The following MGAT4A variants were observed in gnomAD, a reference collection of about 807,000 sequenced individuals.
The protein encoded by MGAT4A is N-acetylglucosaminyltransferase IVa.
A neutral mutation model predicts 74.1 loss-of-function variants in MGAT4A; 33 were observed. The observed-to-expected ratio is 0.45, with a 90% CI of 0.34 to 0.60. MGAT4A has a LOEUF of 0.60. Among genes scored for constraint, MGAT4A ranks in the 20% least tolerant of loss-of-function variants. The pLI, the probability that MGAT4A is intolerant of heterozygous loss-of-function variation, is 0.02. For missense variants in MGAT4A, 479 were observed against 628.3 expected, an observed-to-expected ratio of 0.76 and a Z score of 2.54; for synonymous variants, 198 against 210.4, an observed-to-expected ratio of 0.94 and a Z score of 0.51.
chr2:98,639,801 C>A lies in MGAT4A; in HGVS notation c.1322+7G>T. ...GTAAGATCACATACATTTCAATAATCACCAACCTTTCTACATTGACTGGTT... is the reference window on the plus strand; with the variant it reads ...GTAAGATCACATACATTTCAATAATAACCAACCTTTCTACATTGACTGGTT... On this transcript the variant is annotated splice_region_variant and intron_variant, in intron 12 of 15. Transcript: ENST00000393487. 1 of 1,598,848 alleles carries A rather than the reference C, an allele frequency of 6.3e-7. No individual in the cohort carries two copies. Among genetic ancestry groups the A allele is most frequent in the Admixed American group, 1.7e-5 (1 of 57,962 alleles).
intron 4 of MGAT4A, among the ~76,000 whole-genome samples, chr2:98,669,791 G>C (rs1701888353): frequency 6.6e-6 from 1 of 152,088 alleles, no homozygotes; most frequent in Non-Finnish European, 1.5e-5. Flanking sequence ...GGGACTGTGG[G>C]GCAAAGGGGA....
intron 13 of MGAT4A, among the ~76,000 whole-genome samples, chr2:98,636,017 A>G (rs1025148197): frequency 6.6e-6 from 1 of 151,444 alleles, no homozygotes; most frequent in African/African-American, 2.4e-5. Context: ...ATAAAATAAA[A>G]TAAAATAAAA....
chr2:98,713,476 C>T (rs186522112), intron 2 of MGAT4A, among the ~76,000 whole-genome samples: 23 of 151,174 alleles, frequency 1.5e-4, no homozygotes, highest in African/African-American at 4.8e-4. Flanking sequence ...CAAACAAACC[C>T]GTAGGCCAGG....
chr2:98,639,871 G>C lies in MGAT4A; in HGVS notation c.1259C>G (p.Ala420Gly). The change falls in exon 12 of 16, where the codon GCT (alanine) becomes GGT (glycine). Residue 420 changes from alanine to glycine, a missense_variant. By Grantham distance (60) the Ala-to-Gly change is moderately conservative (BLOSUM62 0). Around this residue, in one of 3 missense-constraint regions of MGAT4A, gnomAD observed 236 missense variants for 308.2 expected, o/e 0.77. Transcript: ENST00000393487. ...GTAGTCTCCAGCTATCGGTGTGATA[G>C]CCCAGAAGAAATCCTCTCCCATGTA... Reference protein sequence around the residue: ...KTYMGEDFFWAITPIAGDYIL... With the variant: ...KTYMGEDFFWGITPIAGDYIL... The C allele has an allele frequency of 6.2e-7, 1 of 1,614,098 alleles. No individual in the cohort carries two copies. Among genetic ancestry groups the C allele is most frequent in the Non-Finnish European group, 8.5e-7 (1 of 1,179,976 alleles).
At position 98,625,349 on chromosome 2, in the gene MGAT4A, G is replaced by A. The variant is rs1198664192; in HGVS notation, c.*217C>T. The A allele has an allele frequency of 7.5e-7, 1 of 1,338,716 alleles. No individual in the cohort carries two copies. Among genetic ancestry groups the A allele is most frequent in the East Asian group, 2.9e-5 (1 of 34,962 alleles). The allele number at this position is 1,338,716 out of a possible 1,614,324, so 82.9% of individuals were successfully genotyped here. ...GTCATATTAACAGGCTGTCATAATT[G>A]AAAAATGTTTGAGTCAAGTTAAAAT... On this transcript the variant is annotated 3_prime_UTR_variant, in exon 16 of 16. Coordinates refer to ENST00000393487, the MANE Select transcript of MGAT4A (RefSeq NM_012214.3).
At chr2:98,628,910 C>T (rs983901695) in intron 14 of MGAT4A, among the ~76,000 whole-genome samples, 5 of 152,166 alleles carry the variant, frequency 3.3e-5, no homozygotes, top group Non-Finnish European at 7.3e-5. Context: ...TCTCCTGCAC[C>T]TACTCACTCA....
In MGAT4A at chr2:98,675,191, A is replaced by C. The variant is rs1295443534; in HGVS notation, c.263-16T>G. 5 of 1,537,120 alleles carry C rather than the reference A, an allele frequency of 3.3e-6. No individual in the cohort carries two copies. The African/African-American group carries it at 7.0e-5, about 21-fold the overall frequency. Reference sequence around the variant, plus strand: ...AGGGTATTATCTGAAACACAGAAGTATAATTAATATACAAGAATTACCTTA... The same window carrying C: ...AGGGTATTATCTGAAACACAGAAGTCTAATTAATATACAAGAATTACCTTA... On this transcript the variant is annotated splice_polypyrimidine_tract_variant and intron_variant, in intron 3 of 15. Coordinates refer to ENST00000393487, the MANE Select transcript of MGAT4A (RefSeq NM_012214.3).
intron 2 of MGAT4A, among the ~76,000 whole-genome samples, chr2:98,693,679 C>CAAAAAAAAAAAAAAAAAAAAAAAA (rs202080554): frequency 9.9e-6 from 1 of 101,474 alleles, no homozygotes; most frequent in African/African-American, 4.0e-5. Context: ...GAGCTTCTCT[C>CAAAAAAAAAAAAAAAAAAAAAAAA]AAAAAAAAAA....
intron 2 of MGAT4A, among the ~76,000 whole-genome samples, chr2:98,719,093 T>C (rs186804867): frequency 1.3e-5 from 2 of 152,288 alleles, no homozygotes; most frequent in Admixed American, 1.3e-4. Flanking sequence ...ATTGTGGATC[T>C]AGTGAAGATA....
Position 98,620,025 on chromosome 2 carries a change from C to G in MGAT4A, c.*5541G>C, listed in dbSNP as rs1318354459. ...CTTCTAAATTCTCAGCTCAGATGCA[C>G]CCTGGAGTGCCAGCTTGCTCCTTCC... On this transcript the variant is annotated 3_prime_UTR_variant, in exon 16 of 16. Coordinates refer to ENST00000393487, the MANE Select transcript of MGAT4A (RefSeq NM_012214.3). 1 of 152,178 alleles carries G rather than the reference C, an allele frequency of 6.6e-6. No homozygotes were observed. 9.4% of individuals were successfully genotyped at this position (152,178 alleles called of 1,614,324 possible). A position where few individuals can be genotyped will look rare whatever the true frequency, so the allele number is the denominator to read the frequency against.
rs368180368 is a variant in MGAT4A, at chr2:98,636,630, C to T, written c.1323-35G>A. 4,962 of 1,565,618 alleles carry T rather than the reference C, an allele frequency of 3.2e-3. 169 individuals carry two copies. The South Asian group carries it at 0.052, about 16-fold the overall frequency. On this transcript the variant is annotated intron_variant, in intron 12 of 15. Coordinates refer to ENST00000393487, the MANE Select transcript of MGAT4A (RefSeq NM_012214.3). ...CAAACATCAAAATAAAAACACAAGT[C>T]GGGCTAGATTTTACAAAGATTCAAG...
chr2:98,708,086 C>T (rs1260900627), intron 2 of MGAT4A, among the ~76,000 whole-genome samples: 4 of 151,972 alleles, frequency 2.6e-5, no homozygotes, highest in Non-Finnish European at 4.4e-5. Flanking sequence ...GTTAAGCCTA[C>T]GACATCCTCC....
intron 2 of MGAT4A, among the ~76,000 whole-genome samples, chr2:98,698,286 G>A (rs149366803): frequency 0.011 from 1,717 of 151,868 alleles, 17 homozygotes; most frequent in Middle Eastern, 0.031. Context: ...GTGGTGATGT[G>A]CACCTGTAAT....
intron 3 of MGAT4A, among the ~76,000 whole-genome samples, chr2:98,677,531 C>G (rs866329659): frequency 2.0e-5 from 3 of 152,166 alleles, no homozygotes; most frequent in Non-Finnish European, 4.4e-5. Context: ...CAGCTCACTA[C>G]AACCTCCGCC....
intron 2 of MGAT4A, 199 bp downstream of exon 2, chr2:98,726,035 GAAAAC>G: frequency 2.1e-6 from 1 of 474,484 alleles, no homozygotes; most frequent in Non-Finnish European, 3.7e-6. Context: ...ATAAGAAACT[GAAAAC>G]AAAACAAGCC....
At chr2:98,664,357 G>C (rs1276946112) in intron 4 of MGAT4A, among the ~76,000 whole-genome samples, 1 of 152,002 alleles carries the variant, frequency 6.6e-6, no homozygotes, top group Non-Finnish European at 1.5e-5. Context: ...AAAAACTGGG[G>C]CATAACACAT....
At chr2:98,704,739 T>C (rs556034944) in intron 2 of MGAT4A, among the ~76,000 whole-genome samples, 182 of 151,970 alleles carry the variant, frequency 1.2e-3, no homozygotes, top group Non-Finnish European at 2.2e-3. Flanking sequence ...CACTGCACTA[T>C]AGCCTGGGCA....
intron 2 of MGAT4A, among the ~76,000 whole-genome samples, chr2:98,718,023 A>ATC (rs1368047670): frequency 6.6e-6 from 1 of 152,252 alleles, no homozygotes; most frequent in African/African-American, 2.4e-5. Flanking sequence ...ACAAATAAGA[A>ATC]TCATAGTTTC....
intron 2 of MGAT4A, among the ~76,000 whole-genome samples, chr2:98,718,204 T>G (rs1702617157): frequency 7.7e-6 from 1 of 130,176 alleles, no homozygotes; most frequent in African/African-American, 3.8e-5. Flanking sequence ...CGTGATGGCA[T>G]GTCAGTTTAA....
Sources: allele counts gnomAD v4.1 joint callset (sites outside exome capture counted in the v4.1 genomes callset), GRCh38; gene constraint gnomAD v4.1.1; regional missense constraint gnomAD v4.1.1; transcripts MANE v1.5; gene names NCBI Gene and HGNC (gene_info 2026-07-23, HGNC 2026-07-21).